PEX1: variants seen among roughly 807,000 people sequenced by gnomAD.
The protein encoded by PEX1 is peroxisomal biogenesis factor 1, also known as peroxisomal ATPase PEX1.
In PEX1, 97 loss-of-function variants were observed where a neutral mutation model predicts 152.5. That is an observed-to-expected ratio of 0.64 (90% CI 0.54 to 0.75). PEX1 has a LOEUF of 0.75. Ranked by LOEUF, PEX1 falls within the 30% of genes least tolerant of loss-of-function variation. The pLI, the probability that PEX1 is intolerant of heterozygous loss-of-function variation, is 0.00. For synonymous variants in PEX1, 485 were observed against 531.6 expected, an observed-to-expected ratio of 0.91 and a Z score of 1.21; for missense variants, 1,357 against 1,516.3, an observed-to-expected ratio of 0.89 and a Z score of 1.74.
At chr7:92,510,259 A>G (rs911959650) in intron 8 of PEX1, among the ~76,000 whole-genome samples, 2 of 152,110 alleles carry the variant, frequency 1.3e-5, no homozygotes. Flanking sequence ...TGAACCCAGG[A>G]GTTCAAGACA....
intron 6 of PEX1, among the ~76,000 whole-genome samples, chr7:92,512,601 C>T (rs1204142933): frequency 2.0e-5 from 3 of 152,162 alleles, no homozygotes; most frequent in Non-Finnish European, 4.4e-5. Flanking sequence ...AAGTGGTTCT[C>T]CTGCCTCAGC....
chr7:92,497,434 A>C (rs536276446), intron 16 of PEX1, among the ~76,000 whole-genome samples: 1 of 151,576 alleles, frequency 6.6e-6, no homozygotes, highest in East Asian at 2.0e-4. Context: ...TATCATTTTT[A>C]GAACATGTGG....
At chr7:92,514,803 G>A (rs1416156249) in intron 5 of PEX1, among the ~76,000 whole-genome samples, 1 of 152,108 alleles carries the variant, frequency 6.6e-6, no homozygotes, top group Non-Finnish European at 1.5e-5. Context: ...TGTAATCCCA[G>A]CACTTTGGGA....
chr7:92,520,820 T>C (rs1052724610), intron 2 of PEX1, among the ~76,000 whole-genome samples: 4 of 152,174 alleles, frequency 2.6e-5, no homozygotes, highest in African/African-American at 9.7e-5. Context: ...CTGAAATATT[T>C]TGTGGGGTAA....
chr7:92,517,388 TC>T lies in PEX1; in HGVS notation c.1126del (p.Glu376LysfsTer11), dbSNP rs751829426. On this transcript the variant is annotated frameshift_variant, in exon 5 of 24. Transcript: ENST00000248633. LOFTEE classifies it high-confidence loss of function. Reference protein sequence around the residue: ...DQKKIRSDHNEEDEKACVLQV... With the variant: ...DQKKIRSDHNXEDEKACVLQV... ...TAGCACACAGGCCTTCTCATCTTCT[TC>T]ATTATGATCTGACCTAATTTTTTTT... 1.2e-6 allele frequency: 2 copies of T among 1,613,992 alleles called. No individual in the cohort carries two copies. Among genetic ancestry groups the T allele is most frequent in the Admixed American group, 3.3e-5 (2 of 60,004 alleles).
intron 19 of PEX1, chr7:92,493,958 T>C (rs1369252709): frequency 1.7e-5 from 5 of 291,586 alleles, no homozygotes; most frequent in Non-Finnish European, 3.3e-5. Context: ...CATGCTTGAT[T>C]CTGTATCAGA....
At chr7:92,519,135 T>C in intron 2 of PEX1, 57 bp from the exon 3 acceptor site, 1 of 949,874 alleles carries the variant, frequency 1.1e-6, no homozygotes, top group Non-Finnish European at 1.7e-6. Flanking sequence ...TGTCATATAT[T>C]AGAAAATAAG....
chr7:92,513,964 G>C lies in PEX1; in HGVS notation c.1243C>G (p.Pro415Ala). ...TTTAGTCTCTTCCTCAGGTCATCTG[G>C]AATCTGAAATTTAAAAATAAACAAA... Reference protein sequence around the residue: ...EVLHLGKVWIPDDLRKRLNIE... With the variant: ...EVLHLGKVWIADDLRKRLNIE... The change falls in exon 6 of 24, where the codon CCA (proline) becomes GCA (alanine). Residue 415 changes from proline to alanine, a missense_variant. Transcript: ENST00000248633. The C allele has an allele frequency of 6.4e-7, 1 of 1,561,344 alleles. No homozygotes were observed. The highest frequency in any genetic ancestry group is 8.8e-7 in the Non-Finnish European group (1 of 1,138,210).
At chr7:92,500,886 C>T (rs1006258880) in intron 15 of PEX1, among the ~76,000 whole-genome samples, 5 of 152,128 alleles carry the variant, frequency 3.3e-5, no homozygotes, top group African/African-American at 7.2e-5. Context: ...ACTGACATCC[C>T]GGGTCTGGAA....
intron 8 of PEX1, 69 bp from the exon 9 acceptor site, chr7:92,509,480 A>G: frequency 9.2e-7 from 1 of 1,085,232 alleles, no homozygotes. Context: ...CTCGGGTCCC[A>G]GAAAACTAAA....
chr7:92,511,013 A>C lies in PEX1; in HGVS notation c.1518T>G (p.Ser506=). ...TATTTTTATCTTTTTCTTTTTCCCA[A>C]GAATGAACTATACTCAGAGAAAATT... The part of the protein sequence containing the change: ...LKEFSLSIVH[S]WEKEKDKNIF... The change falls in exon 8 of 24, where the codon TCT becomes TCG. Residue 506 remains serine, a synonymous_variant. Transcript: ENST00000248633. The C allele has an allele frequency of 6.3e-7, 1 of 1,579,784 alleles. No homozygotes were observed. The highest frequency in any genetic ancestry group is 8.7e-7 in the Non-Finnish European group (1 of 1,149,554).
chr7:92,493,991 G>T, intron 19 of PEX1: 1 of 326,810 alleles, frequency 3.1e-6, no homozygotes, highest in East Asian at 7.4e-5. Flanking sequence ...ACAGGATAAT[G>T]GAAGTATGTA....
At chr7:92,504,979 T>A in intron 11 of PEX1, 77 bp from the exon 12 acceptor site, 1 of 1,047,910 alleles carries the variant, frequency 9.5e-7, no homozygotes, top group Non-Finnish European at 1.5e-6. Flanking sequence ...TTGAAAGCAC[T>A]AGAAAAGCTC....
At chr7:92,504,947 T>C in intron 11 of PEX1, 45 bp from the exon 12 acceptor site, 1 of 1,450,478 alleles carries the variant, frequency 6.9e-7, no homozygotes. Context: ...ATTTCAGTGC[T>C]GGGAAAATTC....
In PEX1 at chr7:92,503,094, C is replaced by T. The variant is rs1229465826; in HGVS notation, c.2173G>A (p.Ala725Thr). The T allele has an allele frequency of 1.2e-6, 2 of 1,613,616 alleles. No homozygotes were observed. The highest frequency in any genetic ancestry group is 1.7e-6 in the Non-Finnish European group (2 of 1,179,764). The change falls in exon 13 of 24, where the codon GCT (alanine) becomes ACT (threonine). Residue 725 changes from alanine to threonine, a missense_variant. Physicochemically the swap from Ala to Thr is moderately conservative, Grantham distance 58. Coordinates refer to ENST00000248633, the MANE Select transcript of PEX1 (RefSeq NM_000466.3). ...CACTGAAATATGTGAACTCCTTGAG[C>T]AGAAACAAGTAAAGGATGTAGAGAT... ...QQSLHPLLVS[A>T]QGVHIFQCVQ...
rs560264310 is a variant in PEX1 at position 92,514,032 on chromosome 7, C to T, written c.1240-65G>A. The T allele has an allele frequency of 2.6e-4, 266 of 1,029,742 alleles. 4 individuals carry two copies. The South Asian group carries it at 3.3e-3, about 13-fold the overall frequency. 63.8% of individuals were successfully genotyped at this position (1,029,742 alleles called of 1,614,324 possible). A position where few individuals can be genotyped will look rare whatever the true frequency, so the allele number is the denominator to read the frequency against. ...AGCTTGGTTAAGAAATATTTCATAG[C>T]ATAAATATTGATATATTAGCTTCTA... On this transcript the variant is annotated intron_variant, in intron 5 of 23. Transcript: ENST00000248633.
chr7:92,505,423 A>AG (rs1398562011), intron 11 of PEX1, among the ~76,000 whole-genome samples: 2 of 151,708 alleles, frequency 1.3e-5, no homozygotes, highest in African/African-American at 2.4e-5. Flanking sequence ...AAAAAAAAAA[A>AG]AAAAGAAAAA....
chr7:92,521,444 T>C (rs566105474), intron 2 of PEX1, among the ~76,000 whole-genome samples: 1 of 152,128 alleles, frequency 6.6e-6, no homozygotes, highest in South Asian at 2.1e-4. Context: ...TTATTTTTTA[T>C]TTTTTTTCAA....
intron 20 of PEX1, 124 bp from the exon 21 acceptor site, chr7:92,491,626 C>T (rs891962656): frequency 4.6e-6 from 3 of 658,482 alleles, no homozygotes; most frequent in Non-Finnish European, 8.0e-6. Flanking sequence ...TTTCAAAGAG[C>T]TCATTAATTC....
Sources: gnomAD v4.1 joint callset for allele counts (sites outside exome capture counted in the v4.1 genomes callset) on GRCh38, gnomAD v4.1.1 for gene constraint, MANE v1.5 for transcripts, NCBI Gene and HGNC (gene_info 2026-07-23, HGNC 2026-07-21) for gene names.